Variants in DPP6 observed in about 807,000 individuals in gnomAD.
The protein encoded by DPP6 is dipeptidyl peptidase like 6.
DPP6 carries 69 observed loss-of-function variants against 122.6 expected under a neutral mutation model. The ratio of observed to expected loss-of-function variants is 0.56; its 90% CI spans 0.46 to 0.69. DPP6 has a LOEUF of 0.69. Ranked by LOEUF, DPP6 falls within the 30% of genes least tolerant of loss-of-function variation. DPP6 has a pLI of 0.00. For synonymous variants in DPP6, 418 were observed against 433.1 expected (o/e 0.97, Z 0.43); for missense variants, 928 against 1,116.9 (o/e 0.83, Z 2.41).
At chr7:153,816,780 C>A in the DPP6 span, among the ~76,000 whole-genome samples, 1 of 151,898 alleles carries the variant, frequency 6.6e-6, no homozygotes, top group African/African-American at 2.4e-5. Context: ...TCCCCTAACA[C>A]CCCTCTGCAT....
At chr7:153,994,871 A>C (rs867194866) in intron 1 of DPP6, among the ~76,000 whole-genome samples, 1 of 152,216 alleles carries the variant, frequency 6.6e-6, no homozygotes, top group Non-Finnish European at 1.5e-5. Context: ...GTTTTAGAAG[A>C]TGCTTTTGGG....
intron 3 of DPP6, among the ~76,000 whole-genome samples, chr7:154,491,081 C>A (rs1345028018): frequency 6.6e-6 from 1 of 152,182 alleles, no homozygotes; most frequent in Non-Finnish European, 1.5e-5. Context: ...TGCATGGCAA[C>A]AAAATGTCAT....
chr7:154,239,755 T>C (rs1801452751), intron 1 of DPP6, among the ~76,000 whole-genome samples: 1 of 151,050 alleles, frequency 6.6e-6, no homozygotes, highest in Non-Finnish European at 1.5e-5. Flanking sequence ...GGTGGATCAC[T>C]TGAAGTCAGG....
chr7:154,328,101 A>C (rs963721533), intron 1 of DPP6, among the ~76,000 whole-genome samples: 2 of 152,172 alleles, frequency 1.3e-5, no homozygotes, highest in Non-Finnish European at 2.9e-5. Context: ...TGGCCTCAGA[A>C]CCACAGAACT....
intron 1 of DPP6, among the ~76,000 whole-genome samples, chr7:153,987,157 G>T (rs1796887299): frequency 6.6e-6 from 1 of 152,136 alleles, no homozygotes; most frequent in Non-Finnish European, 1.5e-5. Context: ...TGAGTTTTAT[G>T]GCATCACCCT....
At chr7:154,269,016 G>T (rs1286359069) in intron 1 of DPP6, among the ~76,000 whole-genome samples, 4 of 150,402 alleles carry the variant, frequency 2.7e-5, no homozygotes, top group Admixed American at 2.0e-4. Flanking sequence ...TCTATCTATT[G>T]ATTAAAGGAC....
chr7:154,811,520 G>A (rs1035432215), intron 16 of DPP6, among the ~76,000 whole-genome samples: 12 of 152,136 alleles, frequency 7.9e-5, no homozygotes, highest in African/African-American at 2.4e-4. Context: ...CAAATGAGTA[G>A]GTAGGATTTG....
chr7:154,751,609 CA>C (rs11339562), intron 8 of DPP6, among the ~76,000 whole-genome samples: 37,050 of 87,434 alleles, frequency 0.42, 4,860 homozygotes, highest in African/African-American at 0.53. Context: ...GACTCTGTCT[CA>C]AAAAAAAAAA....
At chr7:154,205,556 C>T (rs1411315733) in intron 1 of DPP6, among the ~76,000 whole-genome samples, 2 of 152,128 alleles carry the variant, frequency 1.3e-5, no homozygotes, top group Non-Finnish European at 2.9e-5. Flanking sequence ...GAGTCCAAAT[C>T]TGATGATTTC....
At chr7:154,530,444 C>T (rs1827753829) in intron 3 of DPP6, among the ~76,000 whole-genome samples, 1 of 152,006 alleles carries the variant, frequency 6.6e-6, no homozygotes, top group Non-Finnish European at 1.5e-5. Flanking sequence ...TAATGAGACA[C>T]CATCTCATGC....
the DPP6 span, among the ~76,000 whole-genome samples, chr7:153,837,254 A>G: frequency 6.7e-6 from 1 of 149,958 alleles, no homozygotes; most frequent in African/African-American, 2.5e-5. Context: ...ATCTACTAAA[A>G]ATGTGTTTTT....
chr7:154,206,535 A>G (rs2150797955), intron 1 of DPP6, among the ~76,000 whole-genome samples: 1 of 152,354 alleles, frequency 6.6e-6, no homozygotes, highest in East Asian at 1.9e-4. Context: ...AACGTGTCCA[A>G]GCCCGTATAG....
chr7:154,349,643 G>A (rs925628556), intron 1 of DPP6, among the ~76,000 whole-genome samples: 4 of 152,154 alleles, frequency 2.6e-5, no homozygotes, highest in Non-Finnish European at 5.9e-5. Flanking sequence ...GGAGATTGTT[G>A]TGAATTATAT....
chr7:153,888,008 G>A (rs1211253448), intron 1 of DPP6, among the ~76,000 whole-genome samples: 2 of 152,232 alleles, frequency 1.3e-5, no homozygotes, highest in African/African-American at 4.8e-5. Context: ...GGGATGGGAG[G>A]AAGGGGCTGC....
intron 1 of DPP6, among the ~76,000 whole-genome samples, chr7:154,413,525 ATAT>A (rs140430673): frequency 2.7e-3 from 405 of 152,286 alleles, no homozygotes; most frequent in African/African-American, 9.2e-3. Context: ...AATATATAGG[ATAT>A]TATCTGAATC....
chr7:154,481,966 G>T lies in DPP6; in HGVS notation c.457+6929G>T, dbSNP rs372508398. Among the ~76,000 whole-genome samples the T allele has an allele frequency of 6.6e-6, 1 of 152,178 alleles. No homozygotes were observed. Among genetic ancestry groups the T allele is most frequent in the African/African-American group, 2.4e-5 (1 of 41,446 alleles). On this transcript the variant is annotated intron_variant, in intron 3 of 25. Coordinates refer to ENST00000377770, the MANE Select transcript of DPP6 (RefSeq NM_130797.4). The surrounding 1 kb of genome is among the most constrained non-coding windows in gnomAD (Gnocchi z 4.2). ...CCAGCAAAGTCCCCAGTTTGTGGCC[G>T]TCCACGAAGACTTCTTGGGCATTTT...
intron 1 of DPP6, among the ~76,000 whole-genome samples, chr7:153,893,591 A>G (rs1005052185): frequency 6.6e-6 from 1 of 152,248 alleles, no homozygotes; most frequent in Non-Finnish European, 1.5e-5. Context: ...TTCCCTGCAT[A>G]GAGTATTTTC....
intron 4 of DPP6, among the ~76,000 whole-genome samples, chr7:154,560,399 G>A (rs1830345954): frequency 6.6e-6 from 1 of 152,086 alleles, no homozygotes; most frequent in East Asian, 1.9e-4. Context: ...GGACAATAGT[G>A]GCAATAATAA....
chr7:154,199,103 C>T (rs1799029710), intron 1 of DPP6, among the ~76,000 whole-genome samples: 1 of 152,016 alleles, frequency 6.6e-6, no homozygotes, highest in African/African-American at 2.4e-5. Flanking sequence ...GCTTGGAGCC[C>T]TGGCCCCTGA....
Sources: allele counts gnomAD v4.1 joint callset (sites outside exome capture counted in the v4.1 genomes callset), GRCh38; gene constraint gnomAD v4.1.1; non-coding constraint Gnocchi (gnomAD v3.1); transcripts MANE v1.5; gene names NCBI Gene and HGNC (gene_info 2026-07-23, HGNC 2026-07-21).